MAPRE2: variants seen among roughly 807,000 people sequenced by gnomAD.
The protein encoded by MAPRE2 is microtubule associated protein RP/EB family member 2.
Under a neutral mutation model 43.2 loss-of-function variants are expected in MAPRE2, and 13 were observed. That is an observed-to-expected ratio of 0.30 (90% CI 0.20 to 0.48). MAPRE2 has a LOEUF of 0.48. MAPRE2 is among the 20% of genes least tolerant of loss of function. MAPRE2 has a pLI of 0.99. For synonymous variants in MAPRE2, 135 were observed against 148.8 expected, an observed-to-expected ratio of 0.91 and a Z score of 0.68; for missense variants, 161 against 400.2, an observed-to-expected ratio of 0.40 and a Z score of 5.10.
chr18:35,127,488 T>C (rs1713665332), intron 5 of MAPRE2: 1 of 161,662 alleles, frequency 6.2e-6, no homozygotes, highest in African/African-American at 2.4e-5. Context: ...GGTTAGTCTG[T>C]CTCCCTCCCA....
intron 1 of MAPRE2, among the ~76,000 whole-genome samples, chr18:35,057,171 T>C (rs482405): frequency 0.67 from 101,395 of 151,984 alleles, 34,006 homozygotes; most frequent in East Asian, 0.84. Flanking sequence ...CATGCCAACA[T>C]GTCTGGCTCA....
intron 1 of MAPRE2, among the ~76,000 whole-genome samples, chr18:34,989,453 T>C (rs1289671138): frequency 1.3e-5 from 2 of 152,196 alleles, no homozygotes; most frequent in Admixed American, 6.5e-5. Context: ...CTCATGCCTA[T>C]AATGCCAGCA....
chr18:35,091,577 A>G lies in MAPRE2; in HGVS notation c.251-5869A>G, dbSNP rs371100542. ...AGAAAAAGATAATTTTAAAGTTCACATGGAACCACAAAAGACCCTGAATAG... is the reference window on the plus strand; with the variant it reads ...AGAAAAAGATAATTTTAAAGTTCACGTGGAACCACAAAAGACCCTGAATAG... On this transcript the variant is annotated intron_variant, in intron 2 of 6. Transcript: ENST00000300249. 5.9e-5 allele frequency among the ~76,000 whole-genome samples: 9 copies of G among 152,348 alleles called. No homozygotes were observed. The East Asian group carries it at 1.2e-3, about 20-fold the overall frequency.
chr18:34,984,757 C>A (rs1437659814), intron 1 of MAPRE2, among the ~76,000 whole-genome samples: 1 of 134,912 alleles, frequency 7.4e-6, no homozygotes, highest in African/African-American at 2.8e-5. Flanking sequence ...TAATATATTA[C>A]ATACTATATA....
intron 6 of MAPRE2, among the ~76,000 whole-genome samples, chr18:35,139,630 C>A (rs1445618495): frequency 6.6e-6 from 1 of 152,232 alleles, no homozygotes; most frequent in Non-Finnish European, 1.5e-5. Flanking sequence ...TGAGCTAAAG[C>A]TCCTGAGCTC....
chr18:35,039,439 G>A (rs1259735969), upstream of MAPRE2, among the ~76,000 whole-genome samples: 3 of 152,164 alleles, frequency 2.0e-5, no homozygotes, highest in Non-Finnish European at 2.9e-5. Flanking sequence ...TAAGTCTTAG[G>A]TCAGAATTGG....
intron 1 of MAPRE2, among the ~76,000 whole-genome samples, chr18:35,061,998 G>A (rs1603396195): frequency 6.6e-6 from 1 of 152,282 alleles, no homozygotes; most frequent in South Asian, 2.1e-4. Flanking sequence ...GATATTTCTG[G>A]TTCAGGAGAC....
chr18:35,093,948 T>G (rs1007245320), intron 2 of MAPRE2, among the ~76,000 whole-genome samples: 6 of 152,210 alleles, frequency 3.9e-5, no homozygotes, highest in African/African-American at 1.4e-4. Context: ...AGAGCTAACA[T>G]CTCCCTGACT....
intron 2 of MAPRE2, among the ~76,000 whole-genome samples, chr18:35,090,835 A>G (rs561210276): frequency 6.6e-6 from 1 of 152,346 alleles, no homozygotes; most frequent in Non-Finnish European, 1.5e-5. Flanking sequence ...CTCAATTTTA[A>G]AAAACTGTTA....
At chr18:35,012,981 A>G (rs1568971702) in intron 2 of MAPRE2, among the ~76,000 whole-genome samples, 2 of 152,222 alleles carry the variant, frequency 1.3e-5, no homozygotes, top group South Asian at 4.1e-4. Context: ...CCAGTTGAGT[A>G]TGCTATCATG....
rs534322885 is a variant in MAPRE2, at chr18:35,028,841, G to C, written c.-8+23288G>C. Among the ~76,000 whole-genome samples, 4 of 152,338 alleles carry C rather than the reference G, an allele frequency of 2.6e-5. No homozygotes were observed. The East Asian group carries it at 7.7e-4, about 29-fold the overall frequency. On this transcript the variant is annotated intron_variant, in intron 2 of 7. Coordinates refer to the MAPRE2 transcript ENST00000413393. The stretch of plus-strand genomic sequence containing the variant: ...GGAATTGTGGGCTGGTGGGAATGGC[G>C]TGAAGACAGGCTGTGTAGAGAAGTT...
At chr18:35,096,101 C>T (rs777522823) in intron 2 of MAPRE2, among the ~76,000 whole-genome samples, 1 of 152,106 alleles carries the variant, frequency 6.6e-6, no homozygotes, top group Non-Finnish European at 1.5e-5. Flanking sequence ...ATTGCTGTCT[C>T]AGTAAAGGAT....
intron 1 of MAPRE2, among the ~76,000 whole-genome samples, chr18:34,977,412 G>T (rs920183530): frequency 6.6e-6 from 1 of 152,234 alleles, no homozygotes; most frequent in African/African-American, 2.4e-5. Context: ...TCTGAGGGGT[G>T]AGGCTGGGGC....
intron 2 of MAPRE2, among the ~76,000 whole-genome samples, chr18:35,020,648 G>A (rs930218973): frequency 2.0e-5 from 3 of 151,662 alleles, no homozygotes; most frequent in Non-Finnish European, 2.9e-5. Context: ...AGGTGTCTTC[G>A]AATAAGACTA....
At chr18:35,104,914 T>G (rs189698116) in intron 4 of MAPRE2, among the ~76,000 whole-genome samples, 1 of 152,276 alleles carries the variant, frequency 6.6e-6, no homozygotes, top group African/African-American at 2.4e-5. Flanking sequence ...ATGGATAGCT[T>G]GGACTCGAAA....
At chr18:35,098,119 C>CT (rs1438936816) in intron 3 of MAPRE2, among the ~76,000 whole-genome samples, 1 of 152,122 alleles carries the variant, frequency 6.6e-6, no homozygotes, top group African/African-American at 2.4e-5. Context: ...ATAATTTGCC[C>CT]TTTTTTTCTC....
In MAPRE2 at chr18:35,041,450, G is replaced by T. The variant is rs571900614; in HGVS notation, c.-90G>T. On this transcript the variant is annotated 5_prime_UTR_variant, in exon 1 of 7. Coordinates refer to ENST00000300249, the MANE Select transcript of MAPRE2 (RefSeq NM_014268.4). ...AGCGAGCAGGCGGCAGGCACGGTCCGTGCGGAGCAGGCGAGCGAGCGGGAA... is the reference window on the plus strand; with the variant it reads ...AGCGAGCAGGCGGCAGGCACGGTCCTTGCGGAGCAGGCGAGCGAGCGGGAA... 8.5e-4 allele frequency: 1,358 copies of T among 1,605,132 alleles called. 1 individual carries two copies. Among genetic ancestry groups the T allele is most frequent in the Non-Finnish European group, 8.9e-4 (1,049 of 1,176,178 alleles).
chr18:35,009,678 CGGA>C (rs948544212), intron 2 of MAPRE2, among the ~76,000 whole-genome samples: 7 of 152,154 alleles, frequency 4.6e-5, no homozygotes, highest in African/African-American at 1.7e-4. Context: ...TGAGAATGCA[CGGA>C]GGATAGGCCT....
intron 2 of MAPRE2, 159 bp downstream of exon 2, chr18:35,070,481 G>T (rs758715070): frequency 9.4e-6 from 5 of 533,218 alleles, no homozygotes; most frequent in Non-Finnish European, 1.5e-5. Context: ...ACTAAAGGAC[G>T]TATTGGGAAA....
Sources: allele counts gnomAD v4.1 joint callset (sites outside exome capture counted in the v4.1 genomes callset), GRCh38; gene constraint gnomAD v4.1.1; transcripts MANE v1.5; gene names NCBI Gene and HGNC (gene_info 2026-07-23, HGNC 2026-07-21).